CLSTN2: variants seen among roughly 807,000 people sequenced by gnomAD.
CLSTN2 encodes the protein calsyntenin-2.
A neutral mutation model predicts 101.2 loss-of-function variants in CLSTN2; 48 were observed. That is an observed-to-expected ratio of 0.47 (90% CI 0.38 to 0.60). The LOEUF (loss-of-function observed/expected upper bound fraction) is 0.60, where lower values mean the gene tolerates loss of function less well. CLSTN2 is among the 20% of genes least tolerant of loss of function. The pLI is 0.00. For missense variants in CLSTN2, 1,160 were observed against 1,238.2 expected (o/e 0.94, Z 0.95); for synonymous variants, 481 against 463.6 (o/e 1.04, Z -0.48).
At chr3:140,400,812 C>T (rs1219919058) in intron 2 of CLSTN2, among the ~76,000 whole-genome samples, 2 of 152,200 alleles carry the variant, frequency 1.3e-5, no homozygotes, top group Admixed American at 6.5e-5. Context: ...TAGCTCTGCC[C>T]CACGGCCTCC....
At chr3:140,502,416 C>T (rs1389121784) in intron 8 of CLSTN2, among the ~76,000 whole-genome samples, 1 of 152,172 alleles carries the variant, frequency 6.6e-6, no homozygotes, top group Non-Finnish European at 1.5e-5. Flanking sequence ...GAATTGAGCC[C>T]TTATTAAACA....
intron 1 of CLSTN2, 129 bp from the exon 2 acceptor site, chr3:140,175,822 T>C: frequency 1.1e-6 from 1 of 923,786 alleles, no homozygotes; most frequent in South Asian, 1.9e-5. Context: ...GATTAACATG[T>C]TCCATGTCTC....
intron 1 of CLSTN2, among the ~76,000 whole-genome samples, chr3:140,106,853 T>A (rs1480265610): frequency 1.3e-5 from 2 of 152,216 alleles, no homozygotes; most frequent in Non-Finnish European, 2.9e-5. Context: ...TTTAACAAAA[T>A]TATAATTGTG....
intron 1 of CLSTN2, among the ~76,000 whole-genome samples, chr3:140,083,462 G>A (rs536015918): frequency 9.2e-5 from 14 of 152,340 alleles, no homozygotes; most frequent in African/African-American, 3.1e-4. Flanking sequence ...TTGGTTGGAT[G>A]AATTAATATT....
At chr3:140,447,417 G>C (rs1267671040) in intron 5 of CLSTN2, among the ~76,000 whole-genome samples, 2 of 152,196 alleles carry the variant, frequency 1.3e-5, no homozygotes, top group East Asian at 3.8e-4. Flanking sequence ...AGCCTGCCTT[G>C]AGTCCGCTCT....
intron 8 of CLSTN2, among the ~76,000 whole-genome samples, chr3:140,473,914 C>T (rs574451929): frequency 2.0e-4 from 31 of 152,104 alleles, no homozygotes; most frequent in South Asian, 1.2e-3. Flanking sequence ...CCCGCTACCA[C>T]GCCAGGCTAA....
At chr3:140,391,480 T>A (rs1262818013) in intron 2 of CLSTN2, among the ~76,000 whole-genome samples, 2 of 152,216 alleles carry the variant, frequency 1.3e-5, no homozygotes, top group African/African-American at 4.8e-5. Flanking sequence ...GTCACTTTGC[T>A]TGCTCTCTAT....
At chr3:140,201,254 A>C (rs1033002198) in intron 2 of CLSTN2, among the ~76,000 whole-genome samples, 6 of 152,166 alleles carry the variant, frequency 3.9e-5, no homozygotes, top group African/African-American at 1.4e-4. Context: ...TGATTCTCGA[A>C]ATAGCCATTG....
At chr3:139,951,879 C>T (rs1005466635) in intron 1 of CLSTN2, among the ~76,000 whole-genome samples, 4 of 152,008 alleles carry the variant, frequency 2.6e-5, no homozygotes, top group Admixed American at 6.6e-5. Flanking sequence ...ATGCTATTCT[C>T]TTGGATAAAA....
chr3:140,402,374 GA>G (rs2088252394), intron 2 of CLSTN2, among the ~76,000 whole-genome samples: 1 of 152,196 alleles, frequency 6.6e-6, no homozygotes, highest in Non-Finnish European at 1.5e-5. Context: ...CTGTGACATT[GA>G]GCAAATATTT....
At chr3:140,312,447 G>C (rs1207975093) in intron 2 of CLSTN2, among the ~76,000 whole-genome samples, 1 of 152,152 alleles carries the variant, frequency 6.6e-6, no homozygotes, top group African/African-American at 2.4e-5. Flanking sequence ...TTTTCCCCAA[G>C]GAAATATACC....
At chr3:140,206,185 G>A (rs1341175181) in intron 2 of CLSTN2, among the ~76,000 whole-genome samples, 1 of 152,168 alleles carries the variant, frequency 6.6e-6, no homozygotes, top group African/African-American at 2.4e-5. Context: ...AAGTTGGGAG[G>A]GTGTATTATC....
intron 1 of CLSTN2, among the ~76,000 whole-genome samples, chr3:139,975,682 G>A (rs113027726): frequency 2.0e-5 from 3 of 152,274 alleles, no homozygotes; most frequent in Non-Finnish European, 2.9e-5. Context: ...TGTTCTGGTC[G>A]TATGTATGTC....
chr3:140,226,303 G>A (rs1336159447), intron 2 of CLSTN2, among the ~76,000 whole-genome samples: 1 of 152,196 alleles, frequency 6.6e-6, no homozygotes, highest in East Asian at 1.9e-4. Flanking sequence ...CATCTTGACT[G>A]TATCAATGTC....
At chr3:140,439,998 A>G (rs547608999) in intron 5 of CLSTN2, among the ~76,000 whole-genome samples, 17 of 152,338 alleles carry the variant, frequency 1.1e-4, no homozygotes, top group African/African-American at 3.4e-4. Flanking sequence ...TGTGCCAGGC[A>G]TTGAACAGTG....
Position 140,466,657 on chromosome 3 carries a change from G to T in CLSTN2, c.1270G>T (p.Val424Phe). 3 of 1,614,110 alleles carry T rather than the reference G, an allele frequency of 1.9e-6. No homozygotes were observed. The highest frequency in any genetic ancestry group is 2.5e-6 in the Non-Finnish European group (3 of 1,180,004). ...YALYVHNCRL[V>F]FLLRKDFDQA... ...CCTGTATGTGCACAACTGCCGCCTC[G>T]TCTTTCTCTTGCGGAAGGACTTCGA... Residue 424 changes from valine (V) to phenylalanine (F), a missense_variant, in exon 8 of 17, where the codon GTC (valine) becomes TTC (phenylalanine). Physicochemically the swap from Val to Phe is conservative, Grantham distance 50 (BLOSUM62 -1). Coordinates refer to ENST00000458420, the MANE Select transcript of CLSTN2 (RefSeq NM_022131.3).
intron 2 of CLSTN2, among the ~76,000 whole-genome samples, chr3:140,355,890 C>A (rs1274968575): frequency 6.6e-6 from 1 of 152,094 alleles, no homozygotes; most frequent in East Asian, 1.9e-4. Flanking sequence ...TGCTTTTTGC[C>A]TTCTAAAAAT....
At chr3:140,205,622 C>CCCCCCG (rs1553721853) in intron 2 of CLSTN2, among the ~76,000 whole-genome samples, 1 of 99,318 alleles carries the variant, frequency 1.0e-5, no homozygotes, top group Non-Finnish European at 2.1e-5. Context: ...TGACCCGCCC[C>CCCCCCG]CCACCCACAC....
At chr3:140,211,680 T>C (rs1237042677) in intron 2 of CLSTN2, among the ~76,000 whole-genome samples, 1 of 151,834 alleles carries the variant, frequency 6.6e-6, no homozygotes, top group Non-Finnish European at 1.5e-5. Context: ...TGAATAATAA[T>C]ACACATTTAA....
Sources: gnomAD v4.1 joint callset for allele counts (sites outside exome capture counted in the v4.1 genomes callset) on GRCh38, gnomAD v4.1.1 for gene constraint, MANE v1.5 for transcripts, NCBI Gene and HGNC (gene_info 2026-07-23, HGNC 2026-07-21) for gene names.